Variants in ECPAS observed in about 807,000 individuals in gnomAD.
ECPAS encodes the protein proteasome adapter and scaffold protein ECM29.
Under a neutral mutation model 255.1 loss-of-function variants are expected in ECPAS, and 70 were observed. The ratio of observed to expected loss-of-function variants is 0.27; its 90% confidence interval spans 0.23 to 0.33. ECPAS has a LOEUF of 0.33. Ranked by LOEUF, ECPAS falls within the 10% of genes least tolerant of loss-of-function variation. The pLI, the probability that ECPAS is intolerant of heterozygous loss-of-function variation, is 1.00. For synonymous variants in ECPAS, 784 were observed against 775.0 expected, an observed-to-expected ratio of 1.01 and a Z score of -0.19; for missense variants, 1,817 against 2,206.4, an observed-to-expected ratio of 0.82 and a Z score of 3.54.
chr9:111,371,570 A>T, intron 43 of ECPAS, 51 bp downstream of exon 43: 2 of 1,486,966 alleles, frequency 1.3e-6, no homozygotes, highest in Non-Finnish European at 1.9e-6. Flanking sequence ...ATTATGCAAA[A>T]TGAAAGATGA....
intron 2 of ECPAS, among the ~76,000 whole-genome samples, chr9:111,470,930 G>C (rs1457515853): frequency 2.0e-5 from 3 of 152,148 alleles, no homozygotes; most frequent in Admixed American, 6.5e-5. Flanking sequence ...GCAGCTGGCA[G>C]AGATACTCAG....
intron 2 of ECPAS, among the ~76,000 whole-genome samples, chr9:111,472,267 T>A (rs188908268): frequency 6.6e-6 from 1 of 151,642 alleles, no homozygotes; most frequent in Admixed American, 6.6e-5. Context: ...TTAAAAAATT[T>A]AAAAAACAAA....
chr9:111,438,494 G>A (rs533733719), intron 6 of ECPAS, among the ~76,000 whole-genome samples: 44 of 152,256 alleles, frequency 2.9e-4, no homozygotes, highest in Non-Finnish European at 2.8e-4. Context: ...TGTAGTCCCA[G>A]CTACTCAGAA....
At chr9:111,403,456 GAAGT>G (rs1336010222) in intron 24 of ECPAS, among the ~76,000 whole-genome samples, 1 of 150,128 alleles carries the variant, frequency 6.7e-6, no homozygotes, top group Non-Finnish European at 1.5e-5. Flanking sequence ...AAAAAGAATA[GAAGT>G]AACTATACTT....
At chr9:111,366,356 T>C (rs62569876) in intron 47 of ECPAS, 29 bp from the exon 48 acceptor site, 24,080 of 1,504,328 alleles carry the variant, frequency 0.016, 272 homozygotes, top group South Asian at 0.025. Context: ...AAGGTACAAA[T>C]GCCAATTATT....
rs192988828 is a variant in ECPAS, at chr9:111,366,379, A to G, written c.5220-52T>C. ...AATGCCAATTATTAAGAAACAGTCT[A>G]AAACTTTCCTGTCACAATTTCTATC... is the stretch of plus-strand genomic sequence containing the variant. On this transcript the variant is annotated intron_variant, in intron 47 of 49. Transcript: ENST00000684092. 234 of 1,429,290 alleles carry G rather than the reference A, an allele frequency of 1.6e-4. No homozygotes were observed. In the African/African-American group the frequency reaches 2.2e-3, roughly 14 times the overall value. 88.5% of individuals were successfully genotyped at this position (1,429,290 alleles called of 1,614,324 possible). A position where few individuals can be genotyped will look rare whatever the true frequency, so the allele number is the denominator to read the frequency against.
chr9:111,460,772 C>G, intron 2 of ECPAS, among the ~76,000 whole-genome samples: 1 of 152,028 alleles, frequency 6.6e-6, no homozygotes, highest in African/African-American at 2.4e-5. Flanking sequence ...TAAAATACAC[C>G]GCTACAAGAA....
intron 34 of ECPAS, 53 bp downstream of exon 34, chr9:111,384,468 TG>T: frequency 6.7e-7 from 1 of 1,492,276 alleles, no homozygotes; most frequent in Non-Finnish European, 9.3e-7. Flanking sequence ...ATCATTGTCA[TG>T]GTCACCCAGA....
chr9:111,410,116 C>T lies in ECPAS; in HGVS notation c.2475G>A (p.Glu825=), dbSNP rs766566231. ...GRNGPLPIPS[E]GSGFTKLHLV... is the part of the protein sequence containing the mutation. Reference sequence around the variant, plus strand: ...GATGCAATTTGGTAAAGCCAGATCCCTCACTGGGGATTGGAAGTGGACCAT... The same window carrying T: ...GATGCAATTTGGTAAAGCCAGATCCTTCACTGGGGATTGGAAGTGGACCAT... Residue 825 remains glutamate (E), a synonymous_variant, in exon 23 of 50, where the codon GAG becomes GAA. Coordinates refer to ENST00000684092, the MANE Select transcript of ECPAS (RefSeq NM_001364929.1). 5.4e-5 allele frequency: 87 copies of T among 1,608,214 alleles called. No homozygotes were observed. Among genetic ancestry groups the T allele is most frequent in the Non-Finnish European group, 6.8e-5 (80 of 1,177,410 alleles).
chr9:111,414,393 G>T (rs761905481), intron 19 of ECPAS, 36 bp downstream of exon 19: 5 of 1,543,860 alleles, frequency 3.2e-6, no homozygotes, highest in Non-Finnish European at 4.4e-6. Context: ...TTGCTTAAGT[G>T]CTTCAGTATC....
chr9:111,401,119 TAAGA>T (rs892862301), intron 24 of ECPAS, among the ~76,000 whole-genome samples: 1 of 151,852 alleles, frequency 6.6e-6, no homozygotes, highest in African/African-American at 2.4e-5. Flanking sequence ...GTGCTAAAAG[TAAGA>T]AAGAAAGAAA....
chr9:111,475,501 G>C (rs1027185819), intron 1 of ECPAS, among the ~76,000 whole-genome samples: 5 of 152,130 alleles, frequency 3.3e-5, no homozygotes, highest in South Asian at 2.1e-4. Flanking sequence ...TTGGGAGGCC[G>C]AGGCAGGCAG....
At position 111,371,728 on chromosome 9, in the gene ECPAS, C is replaced by A; in HGVS notation, c.4630G>T (p.Ala1544Ser). The change falls in exon 43 of 50, where the codon GCC becomes TCC. Residue 1544 changes from alanine to serine, a missense_variant. Physicochemically the swap from Ala to Ser is moderately conservative, Grantham distance 99 (BLOSUM62 1). Around this residue, in one of 4 missense-constraint regions of ECPAS, gnomAD observed 960 missense variants for 1,179.0 expected, o/e 0.81. Transcript: ENST00000684092. ...SWKMKAQGAI[A>S]MASIAKQTSS... Reference sequence around the variant, plus strand: ...GTCTGTTTTGCAATTGATGCCATGGCAATTGCACCCTGGGCTTTCATTTTC... The same window carrying A: ...GTCTGTTTTGCAATTGATGCCATGGAAATTGCACCCTGGGCTTTCATTTTC... 6.2e-7 allele frequency: 1 copy of A among 1,613,818 alleles called. No homozygotes were observed. Among genetic ancestry groups the A allele is most frequent in the Non-Finnish European group, 8.5e-7 (1 of 1,179,794 alleles).
At chr9:111,376,132 T>C (rs556208683) in intron 37 of ECPAS, among the ~76,000 whole-genome samples, 1 of 152,300 alleles carries the variant, frequency 6.6e-6, no homozygotes, top group African/African-American at 2.4e-5. Context: ...GCTTATAACT[T>C]TCCTAGTTCC....
At chr9:111,402,426 C>A (rs1230951172) in intron 24 of ECPAS, among the ~76,000 whole-genome samples, 1 of 152,158 alleles carries the variant, frequency 6.6e-6, no homozygotes, top group East Asian at 1.9e-4. Flanking sequence ...TCAAAATACT[C>A]TAATACTTTA....
intron 1 of ECPAS, among the ~76,000 whole-genome samples, chr9:111,475,477 A>T (rs1417191712): frequency 6.6e-6 from 1 of 152,212 alleles, no homozygotes; most frequent in African/African-American, 2.4e-5. Context: ...GCTCAAGCCA[A>T]TAATCCCAGC....
intron 17 of ECPAS, among the ~76,000 whole-genome samples, chr9:111,417,274 G>T (rs1351230530): frequency 1.3e-5 from 2 of 151,764 alleles, no homozygotes; most frequent in African/African-American, 4.8e-5. Context: ...AAAAGGAGAT[G>T]TATTTTTAAG....
intron 13 of ECPAS, 149 bp from the exon 14 acceptor site, chr9:111,422,349 T>C: frequency 1.4e-6 from 1 of 690,236 alleles, no homozygotes; most frequent in South Asian, 1.9e-5. Flanking sequence ...TTTTTCCAAG[T>C]ATTTAATTCT....
intron 2 of ECPAS, among the ~76,000 whole-genome samples, chr9:111,469,702 G>C (rs1191706866): frequency 2.0e-5 from 3 of 151,914 alleles, no homozygotes; most frequent in African/African-American, 7.3e-5. Context: ...CTAGCTACTC[G>C]GGAGGCTGAG....
Sources: gnomAD v4.1 joint callset for allele counts (sites outside exome capture counted in the v4.1 genomes callset) on GRCh38, gnomAD v4.1.1 for gene constraint, gnomAD v4.1.1 regional missense constraint, MANE v1.5 for transcripts, NCBI Gene and HGNC (gene_info 2026-07-23, HGNC 2026-07-21) for gene names.